GRIK3: variants seen among roughly 807,000 people sequenced by gnomAD.
The protein encoded by GRIK3 is glutamate ionotropic receptor kainate type subunit 3.
In GRIK3, 29 loss-of-function variants were observed where a neutral mutation model predicts 102.5. The observed-to-expected ratio is 0.28, with a 90% CI of 0.21 to 0.39. The LOEUF is 0.39. Among genes scored for constraint, GRIK3 ranks in the 10% least tolerant of loss-of-function variants. The pLI, the probability that GRIK3 is intolerant of heterozygous loss-of-function variation, is 1.00. For synonymous variants in GRIK3, 511 were observed against 504.9 expected (o/e 1.01, Z -0.16); for missense variants, 908 against 1,252.4 (o/e 0.73, Z 4.15).
chr1:37,009,083 A>G (rs1413240809), intron 1 of GRIK3, among the ~76,000 whole-genome samples: 1 of 150,970 alleles, frequency 6.6e-6, no homozygotes, highest in Non-Finnish European at 1.5e-5. Context: ...TGTAATAATA[A>G]TAATAATAAT....
At chr1:36,985,332 A>T (rs1282619755) in intron 1 of GRIK3, among the ~76,000 whole-genome samples, 1 of 152,092 alleles carries the variant, frequency 6.6e-6, no homozygotes, top group Non-Finnish European at 1.5e-5. Context: ...AGCTGTCCAA[A>T]GTGCTAAAAG....
At chr1:36,959,085 C>CCTGTGAGT (rs1185195079) in intron 1 of GRIK3, among the ~76,000 whole-genome samples, 1 of 116,242 alleles carries the variant, frequency 8.6e-6, no homozygotes, top group East Asian at 3.9e-4. Context: ...GCGTCTATGA[C>CCTGTGAGT]CTGTGAGTCT....
intron 13 of GRIK3, among the ~76,000 whole-genome samples, chr1:36,810,893 G>A (rs898406393): frequency 5.3e-5 from 8 of 152,158 alleles, no homozygotes; most frequent in African/African-American, 1.7e-4. Context: ...CCCCCATCCC[G>A]GCAGCACATG....
chr1:36,853,853 A>G (rs1640616407), intron 7 of GRIK3, 131 bp from the exon 8 acceptor site: 1 of 643,060 alleles, frequency 1.6e-6, no homozygotes, highest in East Asian at 2.8e-5. Flanking sequence ...TTAATTAATA[A>G]TCACCTCCAT....
chr1:36,814,589 T>G (rs1642602986), intron 13 of GRIK3, among the ~76,000 whole-genome samples: 1 of 139,466 alleles, frequency 7.2e-6, no homozygotes, highest in Non-Finnish European at 1.5e-5. Flanking sequence ...TATACATGCA[T>G]GGATCATTAT....
rs74418826 is a variant in GRIK3, at chr1:36,931,612, A to G, written c.116-40516T>C. ...GCGCCCAGCACAATGCTGGCATTCAATAAATGATTGTTCTCGCCTCAGTAG... is the reference window on the plus strand; with the variant it reads ...GCGCCCAGCACAATGCTGGCATTCAGTAAATGATTGTTCTCGCCTCAGTAG... On this transcript the variant is annotated intron_variant, in intron 1 of 15. Transcript: ENST00000373091. Among the ~76,000 whole-genome samples the G allele has an allele frequency of 4.7e-3, 710 of 152,340 alleles. 16 individuals are homozygous for G. In the East Asian group the frequency reaches 0.048, roughly 10 times the overall value.
chr1:36,805,656 T>G (rs562283297), intron 14 of GRIK3, among the ~76,000 whole-genome samples: 2 of 152,200 alleles, frequency 1.3e-5, no homozygotes, highest in South Asian at 4.1e-4. Context: ...GTCACTTTTG[T>G]CCAGGTGCGG....
At chr1:37,032,435 A>C (rs1042400938) in intron 1 of GRIK3, among the ~76,000 whole-genome samples, 2 of 152,060 alleles carry the variant, frequency 1.3e-5, no homozygotes, top group Non-Finnish European at 2.9e-5. Context: ...GCAGGCCCCC[A>C]AAAAAGCAGA....
intron 1 of GRIK3, among the ~76,000 whole-genome samples, chr1:36,945,185 C>T (rs560787497): frequency 6.6e-6 from 1 of 152,392 alleles, no homozygotes; most frequent in African/African-American, 2.4e-5. Flanking sequence ...ATTTAATGAT[C>T]TAAGTGGAAC....
chr1:36,930,259 G>A (rs1641573403), intron 1 of GRIK3, among the ~76,000 whole-genome samples: 1 of 152,168 alleles, frequency 6.6e-6, no homozygotes, highest in Non-Finnish European at 1.5e-5. Flanking sequence ...TCAGCTTCTG[G>A]AACTTGGTGA....
chr1:37,016,763 C>A (rs559816302), intron 1 of GRIK3, among the ~76,000 whole-genome samples: 5 of 151,996 alleles, frequency 3.3e-5, no homozygotes, highest in Non-Finnish European at 5.9e-5. Flanking sequence ...TCATATGAAA[C>A]GTCCCAATTT....
At chr1:36,960,840 A>T (rs1418620780) in intron 1 of GRIK3, among the ~76,000 whole-genome samples, 3 of 152,160 alleles carry the variant, frequency 2.0e-5, no homozygotes, top group Non-Finnish European at 2.9e-5. Context: ...AGGCCGAGGG[A>T]GTAAGCATCT....
chr1:36,851,506 G>A (rs897744114), intron 8 of GRIK3, among the ~76,000 whole-genome samples: 7 of 152,270 alleles, frequency 4.6e-5, no homozygotes, highest in Admixed American at 2.0e-4. Context: ...CACTTTGAGC[G>A]TGCCTAGCAG....
intron 1 of GRIK3, among the ~76,000 whole-genome samples, chr1:36,907,210 A>G (rs1641293453): frequency 6.6e-6 from 1 of 152,182 alleles, no homozygotes; most frequent in African/African-American, 2.4e-5. Context: ...AATTAAGACT[A>G]TGACGGAACA....
chr1:36,928,130 C>T (rs1641549420), intron 1 of GRIK3, among the ~76,000 whole-genome samples: 1 of 152,042 alleles, frequency 6.6e-6, no homozygotes, highest in South Asian at 2.1e-4. Context: ...GCCCTTGGGT[C>T]ATCTCTGAGG....
Position 36,859,845 on chromosome 1 carries a change from A to G in GRIK3, c.959T>C (p.Met320Thr), listed in dbSNP as rs1332750707. 6.2e-7 allele frequency: 1 copy of G among 1,612,928 alleles called. No individual in the cohort carries two copies. The highest frequency in any genetic ancestry group is 8.5e-7 in the Non-Finnish European group (1 of 1,179,018). ...SESGLLDGVM[M>T]TDAALLYDAV... ...ATTCACCTCACCCAGCCGCCTTACC[A>G]TCATCACTCCATCCAGCAGGCCAGA... Residue 320 changes from methionine to threonine, a missense_variant and splice_region_variant, in exon 6 of 16, where the codon ATG (methionine) becomes ACG (threonine). Transcript: ENST00000373091.
chr1:36,966,482 G>C (rs1414356518), intron 1 of GRIK3, among the ~76,000 whole-genome samples: 4 of 152,158 alleles, frequency 2.6e-5, no homozygotes, highest in African/African-American at 4.8e-5. Context: ...GCTCCAGCAA[G>C]GTTCTGCTTG....
intron 1 of GRIK3, among the ~76,000 whole-genome samples, chr1:36,960,615 A>G (rs1258848983): frequency 1.3e-5 from 2 of 152,174 alleles, no homozygotes; most frequent in African/African-American, 2.4e-5. Context: ...GGCCCACTTC[A>G]GAGTCTCTGA....
chr1:36,866,509 G>A (rs1229742473), intron 5 of GRIK3, among the ~76,000 whole-genome samples: 1 of 152,216 alleles, frequency 6.6e-6, no homozygotes, highest in Non-Finnish European at 1.5e-5. Flanking sequence ...CTGAATTTTG[G>A]ATGGGATGGG....
Sources: allele counts gnomAD v4.1 joint callset (sites outside exome capture counted in the v4.1 genomes callset), GRCh38; gene constraint gnomAD v4.1.1; transcripts MANE v1.5; gene names NCBI Gene and HGNC (gene_info 2026-07-23, HGNC 2026-07-21).